AP3D1: variants seen among roughly 807,000 people sequenced by gnomAD.
AP3D1 encodes the protein AP-3 complex subunit delta-1.
Under a neutral mutation model 147.6 loss-of-function variants are expected in AP3D1, and 51 were observed. The ratio of observed to expected loss-of-function variants is 0.35; its 90% CI spans 0.28 to 0.44. AP3D1 has a LOEUF of 0.44. AP3D1 is among the 20% of genes least tolerant of loss of function. AP3D1 has a pLI of 1.00. For missense variants in AP3D1, 1,421 were observed against 1,624.2 expected (o/e 0.87, Z 2.15); for synonymous variants, 760 against 663.0 (o/e 1.15, Z -2.25).
intron 20 of AP3D1, 138 bp from the exon 21 acceptor site, chr19:2,114,959 C>G: frequency 1.0e-6 from 1 of 988,616 alleles, no homozygotes; most frequent in Non-Finnish European, 1.5e-6. Context: ...CCAGAGGCTC[C>G]GCTCAGCGTC....
chr19:2,114,850 G>A, intron 20 of AP3D1, 29 bp from the exon 21 acceptor site: 1 of 1,612,396 alleles, frequency 6.2e-7, no homozygotes, highest in Middle Eastern at 1.7e-4. Flanking sequence ...CCCCATCACT[G>A]GAACCCGCCC....
At chr19:2,145,407 C>T (rs897389262) in intron 1 of AP3D1, among the ~76,000 whole-genome samples, 11 of 152,234 alleles carry the variant, frequency 7.2e-5, no homozygotes, top group African/African-American at 2.7e-4. Flanking sequence ...GGCAGTGGTT[C>T]CCAGCAGGTG....
Position 2,151,412 on chromosome 19 carries a change from C to T in AP3D1, c.-78G>A, listed in dbSNP as rs1201133429. 4 of 974,022 alleles carry T rather than the reference C, an allele frequency of 4.1e-6. No homozygotes were observed. Among genetic ancestry groups the T allele is most frequent in the Non-Finnish European group, 5.2e-6 (4 of 775,020 alleles). The allele number at this position is 974,022 out of a possible 1,614,324, so 60.3% of individuals were successfully genotyped here. A position where few individuals can be genotyped will look rare whatever the true frequency, so the allele number is the denominator to read the frequency against. ...GGGGGCCCGGGGCCCGTGCCTGCCG[C>T]CCGCGGAGCGCCGCGCTGCCGGCCG... is the stretch of plus-strand genomic sequence containing the variant. On this transcript the variant is annotated 5_prime_UTR_variant, in exon 1 of 32. Transcript: ENST00000643116.
chr19:2,116,835 G>C, intron 16 of AP3D1, 89 bp from the exon 17 acceptor site: 2 of 1,447,358 alleles, frequency 1.4e-6, no homozygotes, highest in Non-Finnish European at 1.8e-6. Flanking sequence ...CCACGTGCCT[G>C]GCCATGTGAT....
In AP3D1 at chr19:2,129,154, G is replaced by C; in HGVS notation, c.742C>G (p.Leu248Val). ...CCCAGCCGCGGTTCCAAAGGAGTAA[G>C]AGCACCGAACTGTGGGGACAGCAGG... ...LIKIIKLFGA[L>V]TPLEPRLGKK... Residue 248 changes from leucine to valine, a missense_variant, in exon 8 of 32, where the codon CTT becomes GTT. Physicochemically the swap from Leu to Val is conservative, Grantham distance 32 (BLOSUM62 1). Around this residue, in one of 6 missense-constraint regions of AP3D1, gnomAD observed 292 missense variants for 412.0 expected, o/e 0.71. Transcript: ENST00000643116. 8.1e-6 allele frequency: 13 copies of C among 1,603,398 alleles called. No individual in the cohort carries two copies. The highest frequency in any genetic ancestry group is 1.1e-5 in the Non-Finnish European group (13 of 1,175,630).
chr19:2,163,586 G>A lies in AP3D1; in HGVS notation c.-103+770C>T, dbSNP rs973800592. Reference sequence around the variant, plus strand: ...AGTCCTGGACCGTGACTCTTATGGGGGGAAATTCGGATTTTTGGTTTTACT... The same window carrying A: ...AGTCCTGGACCGTGACTCTTATGGGAGGAAATTCGGATTTTTGGTTTTACT... On this transcript the variant is annotated intron_variant, in intron 1 of 14. Coordinates refer to the AP3D1 transcript ENST00000643010. 4.6e-5 allele frequency among the ~76,000 whole-genome samples: 7 copies of A among 152,224 alleles called. No homozygotes were observed. In the East Asian group the frequency reaches 9.6e-4, roughly 21 times the overall value.
In AP3D1 at chr19:2,105,329, C is replaced by G. The variant is rs532547584; in HGVS notation, c.3553-3061G>C. 5.3e-5 allele frequency among the ~76,000 whole-genome samples: 8 copies of G among 152,318 alleles called. No homozygotes were observed. The South Asian group carries it at 1.7e-3, about 32-fold the overall frequency. On this transcript the variant is annotated intron_variant, in intron 31 of 31. Coordinates refer to ENST00000643116, the MANE Select transcript of AP3D1 (RefSeq NM_001261826.3). ...ACATGTTCATAATGGCCCTAACGCC[C>G]ACGCTGGAAGGTTGTGGGTTGATGG...
chr19:2,109,797 C>A lies in AP3D1; in HGVS notation c.3350+76G>T, dbSNP rs965616910. 6 of 1,396,598 alleles carry A rather than the reference C, an allele frequency of 4.3e-6. No individual in the cohort carries two copies. The East Asian group carries it at 1.1e-4, about 27-fold the overall frequency. The allele number at this position is 1,396,598 out of a possible 1,614,324, so 86.5% of individuals were successfully genotyped here. ...AGTCCTGCCCAGAAGCCTCAGTCCC[C>A]GGGGCACAGGTGTCTGCAAGGTAGA... On this transcript the variant is annotated intron_variant, in intron 29 of 31. Coordinates refer to ENST00000643116, the MANE Select transcript of AP3D1 (RefSeq NM_001261826.3).
rs2018174403 is a variant in AP3D1 at position 2,108,550 on chromosome 19, G to C, written c.3552+137C>G. 8.0e-6 allele frequency: 6 copies of C among 748,838 alleles called. No homozygotes were observed. The South Asian group carries it at 1.0e-4, about 13-fold the overall frequency. 46.4% of individuals were successfully genotyped at this position (748,838 alleles called of 1,614,324 possible). A position where few individuals can be genotyped will look rare whatever the true frequency, so the allele number is the denominator to read the frequency against. Reference sequence around the variant, plus strand: ...GCTGAGTGGGGCTGGCACAGGTGAGGGGCTCATGGCAGCAGTGCTGCCATC... The same window carrying C: ...GCTGAGTGGGGCTGGCACAGGTGAGCGGCTCATGGCAGCAGTGCTGCCATC... On this transcript the variant is annotated intron_variant, in intron 31 of 31. Coordinates refer to ENST00000643116, the MANE Select transcript of AP3D1 (RefSeq NM_001261826.3).
rs1383608463 is a variant in AP3D1 at position 2,112,856 on chromosome 19, T to C, written c.2787+4A>G. 6.2e-7 allele frequency: 1 copy of C among 1,607,220 alleles called. No individual in the cohort carries two copies. The highest frequency in any genetic ancestry group is 8.5e-7 in the Non-Finnish European group (1 of 1,176,484). The stretch of plus-strand genomic sequence containing the variant: ...CACAGCCCCTGGGGGAGTGACAGCC[T>C]CACCTTGTCCTGGTCTTGCCCCTCG... On this transcript the variant is annotated splice_donor_region_variant and intron_variant, in intron 24 of 31. Transcript: ENST00000643116.
Position 2,102,076 on chromosome 19 carries a change from G to T in AP3D1, c.*97C>A. ...TAGAGTTAAATTAACACTCAGGCTT[G>T]GGTACAGTACACACGACTGAGGAGA... On this transcript the variant is annotated 3_prime_UTR_variant, in exon 32 of 32. Transcript: ENST00000643116. 1.1e-6 allele frequency: 1 copy of T among 894,832 alleles called. No individual in the cohort carries two copies. Among genetic ancestry groups the T allele is most frequent in the Non-Finnish European group, 1.8e-6 (1 of 560,664 alleles). 55.4% of individuals were successfully genotyped at this position (894,832 alleles called of 1,614,324 possible). A position where few individuals can be genotyped will look rare whatever the true frequency, so the allele number is the denominator to read the frequency against.
At chr19:2,138,367 A>G (rs2019131353) in intron 2 of AP3D1, among the ~76,000 whole-genome samples, 1 of 152,210 alleles carries the variant, frequency 6.6e-6, no homozygotes, top group Non-Finnish European at 1.5e-5. Context: ...AATCCCACCC[A>G]GAAGAGGACC....
At chr19:2,152,186 G>C (rs78463393), upstream of AP3D1, among the ~76,000 whole-genome samples, 1 of 152,080 alleles carries the variant, frequency 6.6e-6, no homozygotes. Flanking sequence ...GGCATGCAGC[G>C]GTAAATGAGA....
In AP3D1 at chr19:2,121,837, GTCTTCAGGA is replaced by G; in HGVS notation, c.989_997del (p.Ile330_Lys332del). The G allele has an allele frequency of 6.2e-7, 1 of 1,611,446 alleles. No homozygotes were observed. The highest frequency in any genetic ancestry group is 8.5e-7 in the Non-Finnish European group (1 of 1,179,082). ...GTGGGACTGCACGGACTTGGGGTGG[GTCTTCAGGA>G]TCTTGGACATTGCCAGCAGCCCCAG... On this transcript the variant is annotated inframe_deletion, in exon 12 of 32. Coordinates refer to ENST00000643116, the MANE Select transcript of AP3D1 (RefSeq NM_001261826.3).
Position 2,113,335 on chromosome 19 carries a change from C to G in AP3D1, c.2679+1G>C, listed in dbSNP as rs2018341193. 3 of 1,082,046 alleles carry G rather than the reference C, an allele frequency of 2.8e-6. No homozygotes were observed. The highest frequency in any genetic ancestry group is 2.5e-6 in the Non-Finnish European group (2 of 804,102). 67.0% of individuals were successfully genotyped at this position (1,082,046 alleles called of 1,614,324 possible). A position where few individuals can be genotyped will look rare whatever the true frequency, so the allele number is the denominator to read the frequency against. On this transcript the variant is annotated splice_donor_variant, in intron 23 of 31. Coordinates refer to ENST00000643116, the MANE Select transcript of AP3D1 (RefSeq NM_001261826.3). LOFTEE classifies it high-confidence loss of function. ...GCACTGGCCAGCTGCCAGTCTCTTA[C>G]CGTGGATGGAACGGGGGCGGGGGCG... is the stretch of plus-strand genomic sequence containing the variant.
At chr19:2,140,955 C>T (rs558251778) in intron 1 of AP3D1, among the ~76,000 whole-genome samples, 3 of 151,962 alleles carry the variant, frequency 2.0e-5, no homozygotes, top group Admixed American at 1.3e-4. Flanking sequence ...GACGGGGTTT[C>T]GCCACGTTGG....
intron 15 of AP3D1, among the ~76,000 whole-genome samples, chr19:2,118,282 A>G (rs1599456375): frequency 6.6e-6 from 1 of 152,212 alleles, no homozygotes; most frequent in Admixed American, 6.5e-5. Context: ...GCCACCAGAA[A>G]GAGCCACTGC....
At chr19:2,137,865 G>C in intron 2 of AP3D1, 58 bp from the exon 3 acceptor site, 2 of 1,562,686 alleles carry the variant, frequency 1.3e-6, no homozygotes, top group Non-Finnish European at 8.8e-7. Context: ...GAAAGGTTTT[G>C]AGCCGCGGCA....
chr19:2,116,068 G>A (rs1161484649), intron 18 of AP3D1, 139 bp downstream of exon 18: 8 of 826,300 alleles, frequency 9.7e-6, no homozygotes, highest in Non-Finnish European at 1.5e-5. Context: ...CCCCTCAAAG[G>A]CTCCGCACAG....
Sources: gnomAD v4.1 joint callset for allele counts (sites outside exome capture counted in the v4.1 genomes callset) on GRCh38, gnomAD v4.1.1 for gene constraint, gnomAD v4.1.1 regional missense constraint, MANE v1.5 for transcripts, NCBI Gene and HGNC (gene_info 2026-07-23, HGNC 2026-07-21) for gene names.